CNTN5: variants seen among roughly 807,000 people sequenced by gnomAD.
The protein encoded by CNTN5 is contactin 5.
Under a neutral mutation model 129.1 loss-of-function variants are expected in CNTN5, and 77 were observed. That is an observed-to-expected ratio of 0.60 (90% CI 0.50 to 0.72). The LOEUF is 0.72. CNTN5 is among the 30% of genes least tolerant of loss of function. The pLI is 0.00. For synonymous variants in CNTN5, 509 were observed against 465.6 expected, an observed-to-expected ratio of 1.09 and a Z score of -1.20; for missense variants, 1,478 against 1,328.8, an observed-to-expected ratio of 1.11 and a Z score of -1.75.
intron 13 of CNTN5, among the ~76,000 whole-genome samples, chr11:100,090,243 A>G (rs1245751816): frequency 1.3e-5 from 2 of 152,086 alleles, no homozygotes; most frequent in Non-Finnish European, 2.9e-5. Flanking sequence ...AACCAACATC[A>G]TACTGAATGG....
intron 3 of CNTN5, among the ~76,000 whole-genome samples, chr11:99,784,744 TG>T (rs1230757445): frequency 1.3e-4 from 19 of 151,206 alleles, no homozygotes; most frequent in African/African-American, 4.1e-4. Flanking sequence ...TGTTGTTTCC[TG>T]ACTTTTTAAT....
chr11:99,763,855 T>C (rs1944665607), intron 3 of CNTN5, among the ~76,000 whole-genome samples: 1 of 151,734 alleles, frequency 6.6e-6, no homozygotes, highest in Non-Finnish European at 1.5e-5. Context: ...ATATATTAAA[T>C]TGAAAAAAAT....
intron 21 of CNTN5, among the ~76,000 whole-genome samples, chr11:100,334,843 A>T (rs1156990146): frequency 1.3e-5 from 2 of 152,154 alleles, no homozygotes; most frequent in Non-Finnish European, 2.9e-5. Flanking sequence ...TGCTTGGGTG[A>T]TAGGTGCACC....
chr11:99,109,557 A>G (rs1027724290), intron 1 of CNTN5, among the ~76,000 whole-genome samples: 2 of 152,156 alleles, frequency 1.3e-5, no homozygotes, highest in African/African-American at 4.8e-5. Flanking sequence ...CTTGTATCCC[A>G]TTCCATCACT....
intron 7 of CNTN5, among the ~76,000 whole-genome samples, chr11:99,935,202 A>G (rs2136091286): frequency 6.6e-6 from 1 of 151,916 alleles, no homozygotes; most frequent in East Asian, 1.9e-4. Flanking sequence ...TATTGAAGCT[A>G]GCCATTGTCA....
Position 99,080,407 on chromosome 11 carries a change from C to G in CNTN5, c.-210+59137C>G, listed in dbSNP as rs548440728. Among the ~76,000 whole-genome samples the G allele has an allele frequency of 2.2e-3, 335 of 152,234 alleles. 2 individuals are homozygous for G. The highest frequency in any genetic ancestry group is 3.8e-3 in the Non-Finnish European group (258 of 68,008). ...GAAAGCAGTGGTTTAGCTATGGCAT[C>G]AAGTTCCCACGTTCGTTCCATTTTC... On this transcript the variant is annotated intron_variant, in intron 1 of 24. Coordinates refer to ENST00000524871, the MANE Select transcript of CNTN5 (RefSeq NM_014361.4).
intron 9 of CNTN5, among the ~76,000 whole-genome samples, chr11:100,002,606 C>T (rs1268943697): frequency 6.6e-6 from 1 of 152,066 alleles, no homozygotes; most frequent in East Asian, 1.9e-4. Flanking sequence ...GAAATCATAA[C>T]TTAATAGCAC....
At chr11:99,049,516 TA>T (rs1415009380) in intron 1 of CNTN5, 1 of 152,078 alleles carries the variant, frequency 6.6e-6, no homozygotes, top group East Asian at 1.9e-4. Flanking sequence ...AATAAACGTT[TA>T]AAAAATTCTC....
chr11:99,596,453 T>C (rs1950128678), intron 3 of CNTN5, among the ~76,000 whole-genome samples: 1 of 152,166 alleles, frequency 6.6e-6, no homozygotes, highest in South Asian at 2.1e-4. Context: ...AATCTCTTAT[T>C]TAACACACAT....
At chr11:100,317,980 G>A (rs1951601698) in intron 21 of CNTN5, among the ~76,000 whole-genome samples, 1 of 151,426 alleles carries the variant, frequency 6.6e-6, no homozygotes, top group Non-Finnish European at 1.5e-5. Context: ...GATGGCTGAA[G>A]CCTGTAATCC....
At chr11:99,550,771 G>A (rs1948455722) in intron 2 of CNTN5, among the ~76,000 whole-genome samples, 1 of 152,066 alleles carries the variant, frequency 6.6e-6, no homozygotes, top group Non-Finnish European at 1.5e-5. Flanking sequence ...CAGGTAAGTA[G>A]GCTAATCTCT....
intron 1 of CNTN5, among the ~76,000 whole-genome samples, chr11:99,253,527 C>T (rs1375681746): frequency 6.6e-6 from 1 of 151,948 alleles, no homozygotes; most frequent in Non-Finnish European, 1.5e-5. Context: ...CTTCTATGTG[C>T]ATTTTAAGAT....
intron 6 of CNTN5, among the ~76,000 whole-genome samples, chr11:99,898,921 T>C (rs1308416713): frequency 6.6e-6 from 1 of 152,060 alleles, no homozygotes; most frequent in Non-Finnish European, 1.5e-5. Flanking sequence ...GTTGCTTCTT[T>C]AGTGGAAATG....
In CNTN5 at chr11:99,945,494, G is replaced by GTGTGTA. The variant is rs1393501853; in HGVS notation, c.674-11307_674-11306insATGTGT. Among the ~76,000 whole-genome samples, 21 of 130,856 alleles carry GTGTGTA rather than the reference G, an allele frequency of 1.6e-4. 1 individual carries two copies. Among genetic ancestry groups the GTGTGTA allele is most frequent in the African/African-American group, 5.6e-4 (21 of 37,354 alleles). The allele number at this position is 130,856 out of a possible 152,430, so 85.8% of individuals were successfully genotyped here. On this transcript the variant is annotated intron_variant, in intron 7 of 24. Transcript: ENST00000524871. ...CAAAAAATAAAACCTCTGTGCGTGT[G>GTGTGTA]TGTGTGTGTGTGTGTGTGTGTGTAT...
At chr11:99,412,025 A>C (rs1049840033) in intron 2 of CNTN5, among the ~76,000 whole-genome samples, 2 of 152,232 alleles carry the variant, frequency 1.3e-5, no homozygotes, top group African/African-American at 4.8e-5. Flanking sequence ...ATACCAGAAT[A>C]AAAATAAAGA....
chr11:99,439,780 A>T (rs1296465809), intron 2 of CNTN5, among the ~76,000 whole-genome samples: 1 of 151,834 alleles, frequency 6.6e-6, no homozygotes, highest in East Asian at 1.9e-4. Context: ...ATATATATTT[A>T]TAAGTATTTT....
At chr11:99,188,160 C>T (rs952237582) in intron 1 of CNTN5, among the ~76,000 whole-genome samples, 5 of 151,732 alleles carry the variant, frequency 3.3e-5, no homozygotes, top group Non-Finnish European at 5.9e-5. Flanking sequence ...AGGCATATGA[C>T]AGTATGTCCA....
At chr11:100,306,174 A>G (rs1951344949) in intron 20 of CNTN5, among the ~76,000 whole-genome samples, 1 of 151,700 alleles carries the variant, frequency 6.6e-6, no homozygotes, top group African/African-American at 2.4e-5. Context: ...CAAATGTGAA[A>G]TGTAGGTGTG....
chr11:99,416,048 G>T (rs546888413), intron 2 of CNTN5, among the ~76,000 whole-genome samples: 23 of 152,234 alleles, frequency 1.5e-4, no homozygotes, highest in Non-Finnish European at 3.2e-4. Flanking sequence ...ATTTGTATGT[G>T]CATTTCTTCC....
Sources: allele counts gnomAD v4.1 joint callset (sites outside exome capture counted in the v4.1 genomes callset), GRCh38; gene constraint gnomAD v4.1.1; transcripts MANE v1.5; gene names NCBI Gene and HGNC (gene_info 2026-07-23, HGNC 2026-07-21).